SDK2: variants seen among roughly 807,000 people sequenced by gnomAD.
The protein encoded by SDK2 is sidekick cell adhesion molecule 2.
A neutral mutation model predicts 253.9 loss-of-function variants in SDK2; 105 were observed. The observed-to-expected ratio is 0.41, with a 90% CI of 0.35 to 0.49. The LOEUF (loss-of-function observed/expected upper bound fraction) is 0.49, where lower values mean the gene tolerates loss of function less well. Among genes scored for constraint, SDK2 ranks in the 20% least tolerant of loss-of-function variants. SDK2 has a pLI of 0.06. For synonymous variants in SDK2, 1,249 were observed against 1,234.9 expected, an observed-to-expected ratio of 1.01 and a Z score of -0.24; for missense variants, 2,608 against 3,003.0, an observed-to-expected ratio of 0.87 and a Z score of 3.07.
intron 40 of SDK2, among the ~76,000 whole-genome samples, chr17:73,355,269 C>T (rs1391140952): frequency 1.3e-5 from 2 of 148,212 alleles, no homozygotes; most frequent in African/African-American, 2.5e-5. Context: ...CTCCGCCTCC[C>T]ATTCAAGAGA....
chr17:73,439,252 T>TCTG (rs1364919481), intron 6 of SDK2, among the ~76,000 whole-genome samples: 2 of 152,146 alleles, frequency 1.3e-5, no homozygotes, highest in African/African-American at 2.4e-5. Context: ...CAGATGCTGG[T>TCTG]GCCATGTTTC....
chr17:73,441,630 C>CA (rs2063416879), intron 5 of SDK2, among the ~76,000 whole-genome samples: 1 of 152,174 alleles, frequency 6.6e-6, no homozygotes, highest in Non-Finnish European at 1.5e-5. Context: ...CAGGAAGGGG[C>CA]AAGAAATGAG....
intron 1 of SDK2, among the ~76,000 whole-genome samples, chr17:73,623,723 G>A (rs867284781): frequency 6.6e-6 from 1 of 152,106 alleles, no homozygotes; most frequent in African/African-American, 2.4e-5. Flanking sequence ...CCCCGCCCCA[G>A]ATCCCGACTC....
At chr17:73,347,379 T>G (rs1427934307) in intron 44 of SDK2, among the ~76,000 whole-genome samples, 6 of 152,166 alleles carry the variant, frequency 3.9e-5, no homozygotes, top group African/African-American at 1.4e-4. Flanking sequence ...TTGGATCACG[T>G]GGGTTTTGTC....
Position 73,393,551 on chromosome 17 carries a change from C to T in SDK2, c.3898+9G>A, listed in dbSNP as rs202096378. The stretch of plus-strand genomic sequence containing the variant: ...AGCCTTCCCCAAGCTTGCTGGGATA[C>T]GGACTCACCATCATCCAGCGTCCGC... On this transcript the variant is annotated intron_variant, in intron 27 of 44. Transcript: ENST00000392650. 53 of 1,538,374 alleles carry T rather than the reference C, an allele frequency of 3.4e-5. No homozygotes were observed. The East Asian group carries it at 6.8e-4, about 20-fold the overall frequency.
chr17:73,492,930 C>T (rs1411412111), intron 2 of SDK2, among the ~76,000 whole-genome samples: 1 of 152,170 alleles, frequency 6.6e-6, no homozygotes, highest in African/African-American at 2.4e-5. Flanking sequence ...ATAACTGAGT[C>T]AAGATCTAAT....
intron 18 of SDK2, among the ~76,000 whole-genome samples, chr17:73,403,193 A>T (rs187443715): frequency 6.6e-6 from 1 of 152,336 alleles, no homozygotes; most frequent in Admixed American, 6.5e-5. Flanking sequence ...CTGAGCTCCT[A>T]CATCTTGCCC....
intron 37 of SDK2, among the ~76,000 whole-genome samples, 197 bp downstream of exon 37, chr17:73,368,210 G>A (rs1465201743): frequency 1.3e-5 from 2 of 152,144 alleles, no homozygotes; most frequent in South Asian, 2.1e-4. Flanking sequence ...AAGGCTTTAT[G>A]GGGACAGCTT....
At chr17:73,528,272 T>G (rs2064141891) in intron 1 of SDK2, among the ~76,000 whole-genome samples, 1 of 152,144 alleles carries the variant, frequency 6.6e-6, no homozygotes, top group African/African-American at 2.4e-5. Context: ...CTTTGCTGAG[T>G]ACATCTCCAA....
intron 1 of SDK2, among the ~76,000 whole-genome samples, chr17:73,641,996 C>G (rs1244489346): frequency 1.3e-5 from 2 of 152,210 alleles, no homozygotes; most frequent in African/African-American, 2.4e-5. Context: ...AGCGGAGCAG[C>G]AGGGGACCTG....
At chr17:73,635,420 G>A (rs1337139974) in intron 1 of SDK2, among the ~76,000 whole-genome samples, 2 of 152,172 alleles carry the variant, frequency 1.3e-5, no homozygotes, top group African/African-American at 4.8e-5. Flanking sequence ...ATTATGTGGT[G>A]ACAGCCCAAT....
chr17:73,561,943 T>G (rs974888987), intron 1 of SDK2, among the ~76,000 whole-genome samples: 1 of 152,132 alleles, frequency 6.6e-6, no homozygotes, highest in Non-Finnish European at 1.5e-5. Flanking sequence ...CTGATCAACA[T>G]GGTGAAACTC....
intron 36 of SDK2, among the ~76,000 whole-genome samples, chr17:73,375,764 G>A (rs1185810402): frequency 2.6e-5 from 4 of 151,624 alleles, no homozygotes; most frequent in Non-Finnish European, 5.9e-5. Context: ...GCTGAGGTGG[G>A]AGAATCACTT....
At chr17:73,375,891 A>AAATAAAAT (rs746913907) in intron 36 of SDK2, among the ~76,000 whole-genome samples, 3,901 of 151,424 alleles carry the variant, frequency 0.026, 76 homozygotes, top group East Asian at 0.092. Flanking sequence ...AAATAAACTA[A>AAATAAAAT]ACTAAAATAA....
chr17:73,588,253 G>A (rs958070642), intron 1 of SDK2, among the ~76,000 whole-genome samples: 1 of 151,262 alleles, frequency 6.6e-6, no homozygotes. Flanking sequence ...TGGGCCTGGG[G>A]CTGCATGCCT....
chr17:73,430,234 C>G (rs1041712151), intron 12 of SDK2, among the ~76,000 whole-genome samples: 3 of 152,190 alleles, frequency 2.0e-5, no homozygotes, highest in Non-Finnish European at 4.4e-5. Flanking sequence ...TCCCTCACCC[C>G]CTCCTCCATT....
At chr17:73,476,878 C>T (rs1181333611) in intron 2 of SDK2, among the ~76,000 whole-genome samples, 1 of 152,206 alleles carries the variant, frequency 6.6e-6, no homozygotes, top group Non-Finnish European at 1.5e-5. Flanking sequence ...TACCCCTCTG[C>T]GATCGAGGGC....
intron 1 of SDK2, among the ~76,000 whole-genome samples, chr17:73,573,252 C>G (rs973673915): frequency 1.3e-5 from 2 of 152,190 alleles, no homozygotes; most frequent in Non-Finnish European, 2.9e-5. Context: ...TGGCTCGGGT[C>G]TCTCTTTGGG....
At chr17:73,533,381 C>T (rs944038989) in intron 1 of SDK2, among the ~76,000 whole-genome samples, 8 of 152,362 alleles carry the variant, frequency 5.3e-5, no homozygotes, top group East Asian at 1.9e-4. Context: ...TCAGAGCTGG[C>T]GGGCACATCC....
Sources: allele counts gnomAD v4.1 joint callset (sites outside exome capture counted in the v4.1 genomes callset), GRCh38; gene constraint gnomAD v4.1.1; transcripts MANE v1.5; gene names NCBI Gene and HGNC (gene_info 2026-07-23, HGNC 2026-07-21).